Variants in CEP63 observed in about 807,000 individuals in gnomAD.
The protein encoded by CEP63 is centrosomal protein 63.
Under a neutral mutation model 89.1 loss-of-function variants are expected in CEP63, and 84 were observed. That is an observed-to-expected ratio of 0.94 (90% confidence interval 0.79 to 1.13). The LOEUF (loss-of-function observed/expected upper bound fraction) is 1.13. Ranked by LOEUF, CEP63 falls within the 50% of genes most tolerant of loss-of-function variation. CEP63 has a pLI of 0.00. For missense variants in CEP63, 838 were observed against 813.3 expected (o/e 1.03, Z -0.37); for synonymous variants, 267 against 272.5 (o/e 0.98, Z 0.20).
At chr3:134,580,612 T>C (rs1486346146) in intron 10 of CEP63, among the ~76,000 whole-genome samples, 1 of 152,118 alleles carries the variant, frequency 6.6e-6, no homozygotes, top group African/African-American at 2.4e-5. Flanking sequence ...AAAAAGAAAT[T>C]TATGGACAAA....
chr3:134,553,486 T>C (rs1955377366), intron 12 of CEP63: 1 of 152,026 alleles, frequency 6.6e-6, no homozygotes, highest in South Asian at 2.1e-4. Context: ...GAAAAGATAA[T>C]CTAGTAGAAA....
chr3:134,781,937 A>G, the CEP63 span, among the ~76,000 whole-genome samples: 4 of 152,312 alleles, frequency 2.6e-5, no homozygotes, highest in African/African-American at 9.6e-5. Context: ...CTGACTGGAA[A>G]CAAGGAGAGT....
the CEP63 span, among the ~76,000 whole-genome samples, chr3:134,760,432 T>C: frequency 2.0e-5 from 3 of 152,166 alleles, no homozygotes; most frequent in Non-Finnish European, 4.4e-5. Flanking sequence ...ATTCTTCAGA[T>C]AAAGAAGATG....
At chr3:134,629,656 A>G in the CEP63 span, 1 of 1,601,796 alleles carries the variant, frequency 6.2e-7, no homozygotes, top group Non-Finnish European at 8.5e-7. Flanking sequence ...CAGCTGGGGC[A>G]TGGCATCTCG....
In CEP63 at chr3:134,581,679, A is replaced by ATTTTTTTTTT. The variant is rs1231214008; in HGVS notation, c.1207-5774_1207-5765dup. Among the ~76,000 whole-genome samples the ATTTTTTTTTT allele has an allele frequency of 6.0e-4, 75 of 124,188 alleles. 2 individuals carry two copies. Among genetic ancestry groups the ATTTTTTTTTT allele is most frequent in the African/African-American group, 2.4e-3 (74 of 30,924 alleles). 81.5% of individuals were successfully genotyped at this position (124,188 alleles called of 152,430 possible). On this transcript the variant is annotated intron_variant, in intron 10 of 10. Coordinates refer to the CEP63 transcript ENST00000683931. ...CTCAATACACATTCATGATGAAAAC[A>ATTTTTTTTTT]TTTTTTTTTTTTTTGAGACGGAGTC...
the CEP63 span, among the ~76,000 whole-genome samples, chr3:134,606,354 C>A: frequency 1.3e-5 from 2 of 152,166 alleles, no homozygotes; most frequent in Non-Finnish European, 2.9e-5. Flanking sequence ...TCTCTTCCTG[C>A]CTCGCCAGTA....
At chr3:134,549,781 C>G (rs911321054) in intron 10 of CEP63, among the ~76,000 whole-genome samples, 4 of 152,174 alleles carry the variant, frequency 2.6e-5, no homozygotes, top group African/African-American at 9.7e-5. Flanking sequence ...GTCACAAGTA[C>G]TCTCCTCTAA....
intron 13 of CEP63, among the ~76,000 whole-genome samples, chr3:134,558,802 A>G (rs1271833622): frequency 5.3e-5 from 8 of 152,052 alleles, no homozygotes; most frequent in African/African-American, 1.9e-4. Context: ...CTTTGCTGAC[A>G]CCCTCACCTC....
intron 12 of CEP63, among the ~76,000 whole-genome samples, chr3:134,555,175 G>A (rs1955878652): frequency 6.6e-6 from 1 of 151,326 alleles, no homozygotes. Flanking sequence ...CATACTGAAT[G>A]GGCAAAAACT....
chr3:134,514,451 G>C (rs1945760727), intron 3 of CEP63, among the ~76,000 whole-genome samples: 1 of 152,064 alleles, frequency 6.6e-6, no homozygotes, highest in East Asian at 1.9e-4. Flanking sequence ...AAGTGAGGAA[G>C]GTCAAGTATT....
In CEP63 at chr3:134,564,749, G is replaced by T; in HGVS notation, c.*3214G>T. The stretch of plus-strand genomic sequence containing the variant: ...TCAGGAGATTTCTGAGTTTTAGACA[G>T]TCCCAAGCTTCAGCTTAAAATCTGT... On this transcript the variant is annotated 3_prime_UTR_variant, in exon 15 of 15. Coordinates refer to ENST00000675561, the MANE Select transcript of CEP63 (RefSeq NM_001353108.3). 1.0e-6 allele frequency: 1 copy of T among 985,460 alleles called. No homozygotes were observed. The highest frequency in any genetic ancestry group is 1.2e-6 in the Non-Finnish European group (1 of 829,944). The allele number at this position is 985,460 out of a possible 1,614,324, so 61.0% of individuals were successfully genotyped here.
the CEP63 span, among the ~76,000 whole-genome samples, chr3:134,612,284 G>C: frequency 6.6e-6 from 1 of 152,238 alleles, no homozygotes; most frequent in Non-Finnish European, 1.5e-5. Flanking sequence ...AGAGAAACTA[G>C]ATCCCAGTGT....
chr3:134,486,792 G>C (rs988874803), intron 1 of CEP63: 1 of 153,828 alleles, frequency 6.5e-6, no homozygotes, highest in East Asian at 1.9e-4. Context: ...GTACGGAAAT[G>C]TGGCATAAAT....
chr3:134,531,883 A>G lies in CEP63; in HGVS notation c.261A>G (p.Lys87=), dbSNP rs1346649360. The change falls in exon 4 of 15, where the codon AAA becomes AAG. Residue 87 remains lysine (K), a synonymous_variant. Coordinates refer to ENST00000675561, the MANE Select transcript of CEP63 (RefSeq NM_001353108.3). The part of the protein sequence containing the change: ...MLHQQVEEHE[K]IKQEMTMEYK... ...ATCAGCAGGTAGAAGAACATGAAAA[A>G]ATCAAGCAAGAGATGACCATGGAAT... 6.2e-7 allele frequency: 1 copy of G among 1,613,622 alleles called. No individual in the cohort carries two copies. The highest frequency in any genetic ancestry group is 2.2e-5 in the East Asian group (1 of 44,766).
chr3:134,673,248 C>T, the CEP63 span, among the ~76,000 whole-genome samples: 1 of 152,172 alleles, frequency 6.6e-6, no homozygotes, highest in Non-Finnish European at 1.5e-5. Context: ...TTTCACTCAT[C>T]CTGTCCTAGA....
the CEP63 span, among the ~76,000 whole-genome samples, chr3:134,673,803 T>C: frequency 2.0e-5 from 3 of 152,110 alleles, no homozygotes; most frequent in African/African-American, 7.2e-5. Flanking sequence ...CACCATTCTC[T>C]CCCTTCTGCA....
At chr3:134,508,789 G>T (rs1350229571) in intron 3 of CEP63, among the ~76,000 whole-genome samples, 1 of 152,090 alleles carries the variant, frequency 6.6e-6, no homozygotes, top group East Asian at 1.9e-4. Flanking sequence ...GTTAAGTTTG[G>T]CCTGGGGACA....
intron 1 of CEP63, among the ~76,000 whole-genome samples, chr3:134,489,461 C>CT (rs1281796449): frequency 6.6e-6 from 1 of 151,930 alleles, no homozygotes; most frequent in Non-Finnish European, 1.5e-5. Context: ...GAGTTGTTTT[C>CT]TTTTTTTATG....
chr3:134,741,644 C>T, the CEP63 span, among the ~76,000 whole-genome samples: 1 of 152,204 alleles, frequency 6.6e-6, no homozygotes, highest in African/African-American at 2.4e-5. Context: ...TTTAAACAAT[C>T]GTGTCCTTTG....
Sources: gnomAD v4.1 joint callset for allele counts (sites outside exome capture counted in the v4.1 genomes callset) on GRCh38, gnomAD v4.1.1 for gene constraint, MANE v1.5 for transcripts, NCBI Gene and HGNC (gene_info 2026-07-23, HGNC 2026-07-21) for gene names.